EZH1: variants seen among roughly 807,000 people sequenced by gnomAD.
EZH1 encodes the protein enhancer of zeste 1 polycomb repressive complex 2 subunit, also known as histone-lysine N-methyltransferase EZH1.
Under a neutral mutation model 100.5 loss-of-function variants are expected in EZH1, and 33 were observed. The observed-to-expected ratio is 0.33, with a 90% CI of 0.25 to 0.44. EZH1 has a LOEUF of 0.44. EZH1 is among the 20% of genes least tolerant of loss of function. The pLI is 1.00. For missense variants in EZH1, 475 were observed against 928.4 expected (o/e 0.51, Z 6.35); for synonymous variants, 272 against 313.8 (o/e 0.87, Z 1.41).
At chr17:42,724,521 A>C in intron 4 of EZH1, 97 bp from the exon 5 acceptor site, 138 of 1,442,008 alleles carry the variant, frequency 9.6e-5, no homozygotes, top group Non-Finnish European at 1.2e-4. Context: ...ATAGTGGCTC[A>C]TGCCAGTAAT....
rs1363769538 is a variant in EZH1 at position 42,713,222 on chromosome 17, G to A, written c.1191C>T (p.Ala397=). The A allele has an allele frequency of 3.1e-6, 5 of 1,613,054 alleles. No homozygotes were observed. In the African/African-American group the frequency reaches 6.7e-5, roughly 22 times the overall value. Residue 397 remains alanine, a synonymous_variant, in exon 11 of 21, where the codon GCC becomes GCT. Transcript: ENST00000428826. ...TGTTCATCGTACCTGAAGAACTGGA[G>A]GCCCAGTCATTGCCTGTGTCCCTGT... is the stretch of plus-strand genomic sequence containing the variant. ...DSDRDTGNDW[A]SSSSEANSRC... is the part of the protein sequence containing the mutation.
chr17:42,731,570 C>G (rs887610672), intron 1 of EZH1, among the ~76,000 whole-genome samples: 4 of 152,112 alleles, frequency 2.6e-5, no homozygotes, highest in Non-Finnish European at 4.4e-5. Context: ...TCTTAGATAA[C>G]TAGCTCTATT....
chr17:42,734,032 T>C (rs997415060), intron 1 of EZH1, among the ~76,000 whole-genome samples: 1 of 151,736 alleles, frequency 6.6e-6, no homozygotes, highest in African/African-American at 2.4e-5. Flanking sequence ...AGCTCATGAT[T>C]ATATCTCATG....
At chr17:42,744,914 T>A (rs2054252564) in intron 1 of EZH1, 97 bp downstream of exon 1, 1 of 1,203,308 alleles carries the variant, frequency 8.3e-7, no homozygotes, top group Non-Finnish European at 1.1e-6. Context: ...TTCCTTCCAA[T>A]TTCCTGATCC....
At chr17:42,707,832 C>T in intron 15 of EZH1, 126 bp downstream of exon 15, 1 of 1,173,916 alleles carries the variant, frequency 8.5e-7, no homozygotes. Flanking sequence ...TTTGTAGAAT[C>T]CCTAAAACAC....
chr17:42,735,432 T>C (rs866187568), intron 1 of EZH1, among the ~76,000 whole-genome samples: 4 of 151,440 alleles, frequency 2.6e-5, no homozygotes, highest in African/African-American at 9.7e-5. Flanking sequence ...TTTGGAGAGA[T>C]GGATTCATTG....
At chr17:42,729,698 C>G (rs989261814) in intron 2 of EZH1, among the ~76,000 whole-genome samples, 11 of 149,272 alleles carry the variant, frequency 7.4e-5, no homozygotes, top group African/African-American at 2.7e-4. Context: ...GAGATCGCAC[C>G]ACTGCACTCC....
At chr17:42,726,373 CT>C in intron 4 of EZH1, among the ~76,000 whole-genome samples, 1 of 150,874 alleles carries the variant, frequency 6.6e-6, no homozygotes, top group East Asian at 2.0e-4. Flanking sequence ...ATAATATTTA[CT>C]TTTTATATTT....
At chr17:42,736,275 A>C (rs1023722030) in intron 1 of EZH1, among the ~76,000 whole-genome samples, 1 of 152,172 alleles carries the variant, frequency 6.6e-6, no homozygotes, top group Admixed American at 6.6e-5. Flanking sequence ...AATAAAGCTG[A>C]ATATATACTT....
intron 10 of EZH1, among the ~76,000 whole-genome samples, chr17:42,717,309 A>G (rs2053625078): frequency 6.6e-6 from 1 of 152,196 alleles, no homozygotes; most frequent in South Asian, 2.1e-4. Context: ...ATTCTCTACC[A>G]TCTTTCCATC....
chr17:42,710,625 G>GTTTTTTTTTTTTTTTTTTTTTTTTTTTTT (rs1347789208), intron 12 of EZH1, among the ~76,000 whole-genome samples: 1 of 121,182 alleles, frequency 8.3e-6, no homozygotes, highest in Non-Finnish European at 1.8e-5. Flanking sequence ...TTCTGTTTTT[G>GTTTTTTTTTTTTTTTTTTTTTTTTTTTTT]TTTGTTTTTT....
Position 42,735,196 on chromosome 17 carries a change from G to A in EZH1, c.-102-4278C>T, listed in dbSNP as rs58840542. On this transcript the variant is annotated intron_variant, in intron 1 of 20. Coordinates refer to ENST00000428826, the MANE Select transcript of EZH1 (RefSeq NM_001991.5). The stretch of plus-strand genomic sequence containing the variant: ...TCCCAACACTTTGGGAGGCTGAGGC[G>A]GGTGGATCACTTGAGGCCAGGAGCT... 5.4e-3 allele frequency among the ~76,000 whole-genome samples: 817 copies of A among 152,056 alleles called. 7 individuals are homozygous for A. The highest frequency in any genetic ancestry group is 0.019 in the African/African-American group (785 of 41,480).
chr17:42,743,747 G>A (rs774111986), intron 1 of EZH1, among the ~76,000 whole-genome samples: 2 of 151,614 alleles, frequency 1.3e-5, no homozygotes, highest in African/African-American at 4.9e-5. Flanking sequence ...TTTCAGATAT[G>A]AGCCACCGAG....
rs1567998201 is a variant in EZH1, at chr17:42,724,417, A to G, written c.254T>C (p.Ile85Thr). 6.2e-7 allele frequency: 1 copy of G among 1,613,794 alleles called. No homozygotes were observed. The highest frequency in any genetic ancestry group is 8.5e-7 in the Non-Finnish European group (1 of 1,179,778). ...SGHPFLKKCTIESIFPGFASQ... is the reference protein window; with the variant it reads ...SGHPFLKKCTTESIFPGFASQ... ...TGCAAATCCCGGGAAAATGCTCTCTATGGTACACTGAAATATAAGCAATGA... is the reference window on the plus strand; with the variant it reads ...TGCAAATCCCGGGAAAATGCTCTCTGTGGTACACTGAAATATAAGCAATGA... Residue 85 changes from isoleucine (I) to threonine (T), a missense_variant, in exon 5 of 21, where the codon ATA becomes ACA. Coordinates refer to ENST00000428826, the MANE Select transcript of EZH1 (RefSeq NM_001991.5).
At chr17:42,717,004 C>G (rs910930989) in intron 10 of EZH1, among the ~76,000 whole-genome samples, 1 of 152,070 alleles carries the variant, frequency 6.6e-6, no homozygotes, top group African/African-American at 2.4e-5. Flanking sequence ...GGCTGAAAAA[C>G]ATGGAGTAAT....
chr17:42,743,471 T>A (rs547762646), intron 1 of EZH1, among the ~76,000 whole-genome samples: 4 of 147,326 alleles, frequency 2.7e-5, no homozygotes. Context: ...GTGCCAGGCT[T>A]TTTTTTTTTT....
chr17:42,742,237 A>G (rs1287510759), intron 1 of EZH1, among the ~76,000 whole-genome samples: 1 of 151,542 alleles, frequency 6.6e-6, no homozygotes, highest in African/African-American at 2.4e-5. Flanking sequence ...CCCACTCCCA[A>G]GTTCAAGCGA....
At chr17:42,740,414 A>G (rs929972502) in intron 1 of EZH1, among the ~76,000 whole-genome samples, 28 of 152,092 alleles carry the variant, frequency 1.8e-4, no homozygotes, top group African/African-American at 6.7e-4. Flanking sequence ...TAATTTTTGC[A>G]TTTCAGTAGA....
chr17:42,718,667 G>C lies in EZH1; in HGVS notation c.768-50C>G, dbSNP rs764146147. The C allele has an allele frequency of 3.1e-6, 5 of 1,597,394 alleles. No homozygotes were observed. The East Asian group carries it at 8.9e-5, about 29-fold the overall frequency. On this transcript the variant is annotated intron_variant, in intron 8 of 20. Transcript: ENST00000428826. This position sits in a 1 kb window ranked among gnomAD's most constrained non-coding sequence, Gnocchi z 4.2. ...GTTCCTCCGAGGAACTGCCTCCACT[G>C]AGGAAATACAGATTGGGTACTGACA...
Sources: gnomAD v4.1 joint callset for allele counts (sites outside exome capture counted in the v4.1 genomes callset) on GRCh38, gnomAD v4.1.1 for gene constraint, Gnocchi (gnomAD v3.1) non-coding constraint, MANE v1.5 for transcripts, NCBI Gene and HGNC (gene_info 2026-07-23, HGNC 2026-07-21) for gene names.